The following GSG1L variants were observed in gnomAD, a reference collection of about 807,000 sequenced individuals.
GSG1L encodes the protein germ cell-specific gene 1-like protein.
A neutral mutation model predicts 42.1 loss-of-function variants in GSG1L; 24 were observed. The observed-to-expected ratio is 0.57, with a 90% CI of 0.41 to 0.80. The LOEUF (loss-of-function observed/expected upper bound fraction) is 0.80. GSG1L is among the 30% of genes least tolerant of loss of function. The probability of loss-of-function intolerance (pLI) is 0.00; values close to 1 mark genes in which losing one functional copy is unlikely to be tolerated. For synonymous variants in GSG1L, 215 were observed against 203.5 expected (o/e 1.06, Z -0.48); for missense variants, 445 against 472.2 (o/e 0.94, Z 0.53).
At chr16:27,982,759 G>A (rs945042195) in intron 1 of GSG1L, among the ~76,000 whole-genome samples, 6 of 152,156 alleles carry the variant, frequency 3.9e-5, no homozygotes, top group African/African-American at 9.7e-5. Context: ...CACATGGTGA[G>A]AGCAGGAGCA....
rs147085946 is a variant in GSG1L at position 28,035,966 on chromosome 16, T to C, written c.349+27110A>G. ...GCCCTTCTGACCGAAAGCTGAGCCT[T>C]TGAGTGGGCCCCTTTATTTAGAATT... On this transcript the variant is annotated intron_variant, in intron 1 of 6. Coordinates refer to ENST00000447459, the MANE Select transcript of GSG1L (RefSeq NM_001109763.2). Among the ~76,000 whole-genome samples the C allele has an allele frequency of 3.2e-3, 491 of 152,304 alleles. 3 individuals are homozygous for C. The highest frequency in any genetic ancestry group is 0.011 in the African/African-American group (466 of 41,572).
At chr16:27,883,824 A>T (rs1445284526) in intron 3 of GSG1L, among the ~76,000 whole-genome samples, 1 of 152,108 alleles carries the variant, frequency 6.6e-6, no homozygotes, top group East Asian at 1.9e-4. Flanking sequence ...CTGCCCACCA[A>T]ATCTAAGTGT....
At chr16:27,917,415 T>C (rs988446670) in intron 2 of GSG1L, among the ~76,000 whole-genome samples, 4 of 151,574 alleles carry the variant, frequency 2.6e-5, no homozygotes, top group African/African-American at 9.7e-5. Flanking sequence ...GTAGGGGGAA[T>C]GAGCAGGACC....
Position 27,894,765 on chromosome 16 carries a change from C to G in GSG1L, c.398-10127G>C, listed in dbSNP as rs550463484. 3.3e-4 allele frequency among the ~76,000 whole-genome samples: 50 copies of G among 152,338 alleles called. 1 individual carries two copies. Among genetic ancestry groups the G allele is most frequent in the Non-Finnish European group, 5.7e-4 (39 of 68,030 alleles). ...CACTGAGCCCCCAGCCCTTGTTCTA[C>G]AGATGAGAAATCTCAATGCAAAAAG... On this transcript the variant is annotated intron_variant, in intron 2 of 6. Coordinates refer to ENST00000447459, the MANE Select transcript of GSG1L (RefSeq NM_001109763.2).
chr16:27,854,570 C>T (rs975022453), intron 3 of GSG1L, among the ~76,000 whole-genome samples: 1 of 152,132 alleles, frequency 6.6e-6, no homozygotes, highest in Admixed American at 6.6e-5. Context: ...CGAGTTGGGC[C>T]GTGTGCTCAC....
intron 2 of GSG1L, among the ~76,000 whole-genome samples, chr16:27,946,652 AAAGAAAAGAAAG>A (rs1370469523): frequency 1.8e-3 from 46 of 25,282 alleles, no homozygotes; most frequent in Non-Finnish European, 2.4e-3. Flanking sequence ...AGAAAGAAAG[AAAGAAAAGAAAG>A]AAAGAAAGAA....
At chr16:27,810,126 C>A (rs1335977354) in intron 5 of GSG1L, among the ~76,000 whole-genome samples, 2 of 152,238 alleles carry the variant, frequency 1.3e-5, no homozygotes, top group Non-Finnish European at 1.5e-5. Context: ...CTTTCGTAAC[C>A]TCTGCCCTCA....
At chr16:27,856,092 T>C (rs565043623) in intron 3 of GSG1L, among the ~76,000 whole-genome samples, 1 of 152,186 alleles carries the variant, frequency 6.6e-6, no homozygotes, top group East Asian at 1.9e-4. Context: ...GTCAGGGCTG[T>C]CCTAGGCGTT....
chr16:28,001,491 C>T (rs1183306914), intron 1 of GSG1L, among the ~76,000 whole-genome samples: 2 of 152,198 alleles, frequency 1.3e-5, no homozygotes, highest in Non-Finnish European at 2.9e-5. Context: ...TGTGATGGCA[C>T]ATCTAATAAA....
At chr16:27,919,871 T>G (rs750709782) in intron 2 of GSG1L, among the ~76,000 whole-genome samples, 65 of 152,240 alleles carry the variant, frequency 4.3e-4, no homozygotes, top group Non-Finnish European at 2.1e-4. Context: ...TATCTTTCAA[T>G]GCTTATTTAT....
chr16:27,940,153 A>G (rs1270074322), intron 2 of GSG1L, among the ~76,000 whole-genome samples: 2 of 152,202 alleles, frequency 1.3e-5, no homozygotes, highest in Non-Finnish European at 2.9e-5. Flanking sequence ...CCACAGTGAG[A>G]TACCATCTCA....
At chr16:28,061,390 A>G (rs1039617324) in intron 1 of GSG1L, among the ~76,000 whole-genome samples, 2 of 152,148 alleles carry the variant, frequency 1.3e-5, no homozygotes, top group African/African-American at 4.8e-5. Context: ...GATGAAACCA[A>G]TCAGGGGCAG....
chr16:27,939,295 A>T (rs1188120335), intron 2 of GSG1L, among the ~76,000 whole-genome samples: 2 of 152,002 alleles, frequency 1.3e-5, no homozygotes, highest in African/African-American at 4.8e-5. Flanking sequence ...CTTTTTTAAA[A>T]TACATTATTT....
chr16:27,898,285 T>C (rs2084214078), intron 2 of GSG1L, among the ~76,000 whole-genome samples: 1 of 152,140 alleles, frequency 6.6e-6, no homozygotes, highest in Admixed American at 6.5e-5. Context: ...AGATGGGTAG[T>C]AGGAACCTGG....
At chr16:27,929,443 C>T (rs775680063) in intron 2 of GSG1L, among the ~76,000 whole-genome samples, 3 of 152,146 alleles carry the variant, frequency 2.0e-5, no homozygotes, top group Non-Finnish European at 4.4e-5. Flanking sequence ...GCCGTAGGGC[C>T]TCTGTGGGTG....
At chr16:28,062,929 C>T in intron 1 of GSG1L, 147 bp downstream of exon 1, 1 of 1,149,688 alleles carries the variant, frequency 8.7e-7, no homozygotes, top group Non-Finnish European at 1.1e-6. Flanking sequence ...GCCCCCTGCC[C>T]CGGAACGTCG....
Position 27,787,780 on chromosome 16 carries a change from C to A in GSG1L, c.*3590G>T, listed in dbSNP as rs1342198127. ...GTCCACTCGCCAACTTCAGAAGGAC[C>A]CTGGGTGAGAACAAGAGCTCCTAGA... is the stretch of plus-strand genomic sequence containing the variant. On this transcript the variant is annotated 3_prime_UTR_variant, in exon 7 of 7. Transcript: ENST00000447459. 1 of 152,160 alleles carries A rather than the reference C, an allele frequency of 6.6e-6. No individual in the cohort carries two copies. The highest frequency in any genetic ancestry group is 2.4e-5 in the African/African-American group (1 of 41,416). 9.4% of individuals were successfully genotyped at this position (152,160 alleles called of 1,614,324 possible). A position where few individuals can be genotyped will look rare whatever the true frequency, so the allele number is the denominator to read the frequency against.
At chr16:27,875,179 G>C (rs961523853) in intron 3 of GSG1L, among the ~76,000 whole-genome samples, 1 of 152,166 alleles carries the variant, frequency 6.6e-6, no homozygotes, top group African/African-American at 2.4e-5. Context: ...GGTGGAGAAG[G>C]CTGGAGATTA....
At chr16:27,945,024 T>C (rs8051823) in intron 2 of GSG1L, among the ~76,000 whole-genome samples, 68,276 of 147,274 alleles carry the variant, frequency 0.46, 16,246 homozygotes, top group African/African-American at 0.58. Flanking sequence ...CTGGAGTGAG[T>C]TATGATTGTG....
Sources: allele counts gnomAD v4.1 joint callset (sites outside exome capture counted in the v4.1 genomes callset), GRCh38; gene constraint gnomAD v4.1.1; transcripts MANE v1.5; gene names NCBI Gene and HGNC (gene_info 2026-07-23, HGNC 2026-07-21).